The following CGGBP1 variants were observed in gnomAD, a reference collection of about 807,000 sequenced individuals.
The protein encoded by CGGBP1 is CGG triplet repeat-binding protein 1.
Under a neutral mutation model 11.4 loss-of-function variants are expected in CGGBP1, and 4 were observed. That is an observed-to-expected ratio of 0.35 (90% CI 0.17 to 0.80). The LOEUF is 0.80. Ranked by LOEUF, CGGBP1 falls within the 30% of genes least tolerant of loss-of-function variation. CGGBP1 has a pLI of 0.52. For missense variants in CGGBP1, 135 were observed against 202.1 expected (o/e 0.67, Z 2.01); for synonymous variants, 76 against 74.1 (o/e 1.03, Z -0.13).
chr3:88,097,037 T>C lies in CGGBP1; in HGVS notation c.-228-38814A>G, dbSNP rs183830631. Among the ~76,000 whole-genome samples, 814 of 152,270 alleles carry C rather than the reference T, an allele frequency of 5.3e-3. 5 individuals carry two copies. Among genetic ancestry groups the C allele is most frequent in the African/African-American group, 0.017 (699 of 41,562 alleles). On this transcript the variant is annotated intron_variant, in intron 2 of 3. Transcript: ENST00000462901. ...CATTGGCTGTAGAGTATTTCACTCT[T>C]ATGTGTATATCAAAATGTAATTAAC...
At chr3:88,139,720 A>C in intron 2 of CGGBP1, 1 of 1,563,038 alleles carries the variant, frequency 6.4e-7, no homozygotes, top group Non-Finnish European at 8.7e-7. Context: ...AGTCCTAATA[A>C]TTCTTTAAAT....
At chr3:88,148,509 T>C (rs1446742234) in intron 1 of CGGBP1, among the ~76,000 whole-genome samples, 1 of 152,234 alleles carries the variant, frequency 6.6e-6, no homozygotes, top group Admixed American at 6.5e-5. Flanking sequence ...CAGGCATTCA[T>C]TAATACTTAA....
At chr3:88,126,579 C>CTT (rs144091813) in intron 2 of CGGBP1, among the ~76,000 whole-genome samples, 12 of 81,756 alleles carry the variant, frequency 1.5e-4, no homozygotes, top group South Asian at 5.8e-4. Flanking sequence ...GTAGAAACAT[C>CTT]TTTTTTTTTT....
chr3:88,056,032 A>G lies in CGGBP1; in HGVS notation c.-23-33T>C, dbSNP rs1467668195. On this transcript the variant is annotated intron_variant, in intron 3 of 3. Coordinates refer to ENST00000482016, the MANE Select transcript of CGGBP1 (RefSeq NM_001008390.2). Reference sequence around the variant, plus strand: ...GACAAAAGAAACAAAGATGAGTATTATAACAACAGTTCATTCTGGAAGTAA... The same window carrying G: ...GACAAAAGAAACAAAGATGAGTATTGTAACAACAGTTCATTCTGGAAGTAA... 2.3e-5 allele frequency: 34 copies of G among 1,464,470 alleles called. No homozygotes were observed. In the South Asian group the frequency reaches 3.0e-4, roughly 13 times the overall value. The allele number at this position is 1,464,470 out of a possible 1,614,324, so 90.7% of individuals were successfully genotyped here.
upstream of CGGBP1, among the ~76,000 whole-genome samples, chr3:88,062,190 AAGGT>A (rs1216351763): frequency 1.3e-5 from 2 of 152,202 alleles, no homozygotes; most frequent in African/African-American, 2.4e-5. Flanking sequence ...TTGAGGATGA[AAGGT>A]AGGGGAAAGT....
At chr3:88,124,838 A>G (rs1705991841) in intron 2 of CGGBP1, among the ~76,000 whole-genome samples, 1 of 151,418 alleles carries the variant, frequency 6.6e-6, no homozygotes, top group South Asian at 2.1e-4. Flanking sequence ...AGCTCTATTT[A>G]TGCATTTTTG....
intron 2 of CGGBP1, chr3:88,135,118 T>G: frequency 6.7e-7 from 1 of 1,483,676 alleles, no homozygotes. Flanking sequence ...CAAAACAAGT[T>G]TTTGTAGATC....
intron 1 of CGGBP1, among the ~76,000 whole-genome samples, 177 bp downstream of exon 1, chr3:88,058,638 G>T (rs541383282): frequency 1.3e-5 from 2 of 152,210 alleles, no homozygotes; most frequent in African/African-American, 4.8e-5. Context: ...CAAGGGAGGC[G>T]GCGGCAGGCG....
intron 2 of CGGBP1, among the ~76,000 whole-genome samples, chr3:88,105,506 C>G (rs1278251405): frequency 6.6e-6 from 1 of 152,106 alleles, no homozygotes; most frequent in Admixed American, 6.5e-5. Context: ...TTGGATACCT[C>G]TTTTTGAATT....
intron 2 of CGGBP1, among the ~76,000 whole-genome samples, chr3:88,072,930 T>G (rs1460541818): frequency 1.3e-5 from 2 of 151,892 alleles, no homozygotes; most frequent in South Asian, 2.1e-4. Flanking sequence ...TTTGGAAAAT[T>G]TTAATGGATG....
At chr3:88,149,604 T>C (rs1367798591) in intron 1 of CGGBP1, 1 of 155,446 alleles carries the variant, frequency 6.4e-6, no homozygotes, top group Non-Finnish European at 1.4e-5. Flanking sequence ...ATTCAAGCGC[T>C]CCCGGGGGCC....
chr3:88,140,677 G>A (rs780152251), intron 2 of CGGBP1: 4 of 1,613,586 alleles, frequency 2.5e-6, no homozygotes. Flanking sequence ...AACAGAATCA[G>A]GACAGAAAAT....
At chr3:88,056,901 T>G (rs1271415371) in intron 3 of CGGBP1, 2 of 152,156 alleles carry the variant, frequency 1.3e-5, no homozygotes, top group Non-Finnish European at 2.9e-5. Flanking sequence ...AATAACACAC[T>G]TTTATGAGCA....
intron 2 of CGGBP1, among the ~76,000 whole-genome samples, chr3:88,110,924 T>A (rs1576300265): frequency 6.6e-6 from 1 of 152,116 alleles, no homozygotes; most frequent in Non-Finnish European, 1.5e-5. Flanking sequence ...TTTCTCTTTT[T>A]AATATCATTA....
chr3:88,070,848 A>C (rs1707472076), intron 2 of CGGBP1, among the ~76,000 whole-genome samples: 1 of 152,180 alleles, frequency 6.6e-6, no homozygotes, highest in Non-Finnish European at 1.5e-5. Context: ...CAACTACCTT[A>C]AGACACACAG....
intron 2 of CGGBP1, among the ~76,000 whole-genome samples, chr3:88,073,042 A>G (rs1434136029): frequency 6.6e-6 from 1 of 152,184 alleles, no homozygotes; most frequent in East Asian, 1.9e-4. Flanking sequence ...AGTAGAGGAG[A>G]TAACTTGTGA....
intron 1 of CGGBP1, chr3:88,144,755 G>GA (rs1707276645): frequency 6.6e-6 from 1 of 152,218 alleles, no homozygotes; most frequent in South Asian, 2.1e-4. Context: ...TCTCATAAAG[G>GA]AATGGCATAT....
chr3:88,066,602 T>A (rs1269031519), intron 2 of CGGBP1, among the ~76,000 whole-genome samples: 1 of 151,976 alleles, frequency 6.6e-6, no homozygotes, highest in African/African-American at 2.4e-5. Flanking sequence ...AAAACCTCAA[T>A]TTTAATTTTG....
intron 2 of CGGBP1, among the ~76,000 whole-genome samples, chr3:88,102,137 T>C (rs1211283802): frequency 6.6e-6 from 1 of 152,156 alleles, no homozygotes; most frequent in Non-Finnish European, 1.5e-5. Flanking sequence ...AGTTTATTGC[T>C]GGTTTAAAGA....
Sources: allele counts gnomAD v4.1 joint callset (sites outside exome capture counted in the v4.1 genomes callset), GRCh38; gene constraint gnomAD v4.1.1; transcripts MANE v1.5; gene names NCBI Gene and HGNC (gene_info 2026-07-23, HGNC 2026-07-21).